The following SCHIP1 variants were observed in gnomAD, a reference collection of about 807,000 sequenced individuals.
SCHIP1 encodes schwannomin interacting protein 1.
In SCHIP1, 8 loss-of-function variants were observed where a neutral mutation model predicts 29.7. The ratio of observed to expected loss-of-function variants is 0.27; its 90% CI spans 0.16 to 0.49. SCHIP1 has a LOEUF of 0.49. Among genes scored for constraint, SCHIP1 ranks in the 20% least tolerant of loss-of-function variants. The probability of loss-of-function intolerance (pLI) is 0.99; values close to 1 mark genes in which losing one functional copy is unlikely to be tolerated. For synonymous variants in SCHIP1, 76 were observed against 94.9 expected, an observed-to-expected ratio of 0.80 and a Z score of 1.16; for missense variants, 193 against 294.6, an observed-to-expected ratio of 0.66 and a Z score of 2.52.
chr3:159,860,270 A>G (rs905739005), intron 1 of SCHIP1, among the ~76,000 whole-genome samples: 3 of 152,226 alleles, frequency 2.0e-5, no homozygotes, highest in Admixed American at 6.5e-5. Context: ...GCCTATAGGT[A>G]ACACCAGTGT....
chr3:159,808,952 C>T, the SCHIP1 span, among the ~76,000 whole-genome samples: 4 of 146,840 alleles, frequency 2.7e-5, no homozygotes, highest in Admixed American at 1.3e-4. Context: ...AGTGAAACTC[C>T]GTCTCAAAAA....
chr3:159,483,818 G>C, the SCHIP1 span, among the ~76,000 whole-genome samples: 1 of 152,080 alleles, frequency 6.6e-6, no homozygotes, highest in Non-Finnish European at 1.5e-5. Flanking sequence ...ATTTTGCAGT[G>C]TTCTGGCACA....
At chr3:159,674,510 G>A in the SCHIP1 span, among the ~76,000 whole-genome samples, 1 of 149,162 alleles carries the variant, frequency 6.7e-6, no homozygotes, top group African/African-American at 2.5e-5. Flanking sequence ...GAAAGATCAA[G>A]GTTAGACATG....
At chr3:159,791,229 G>A in the SCHIP1 span, among the ~76,000 whole-genome samples, 1 of 152,054 alleles carries the variant, frequency 6.6e-6, no homozygotes, top group South Asian at 2.1e-4. Context: ...TCAGCCCAGG[G>A]GCCCATCAGC....
chr3:159,602,445 TC>T, the SCHIP1 span, among the ~76,000 whole-genome samples: 1 of 152,138 alleles, frequency 6.6e-6, no homozygotes. Context: ...GCATGGTGGC[TC>T]ATACTTGTAA....
chr3:159,815,591 G>GTTT, the SCHIP1 span, among the ~76,000 whole-genome samples: 4 of 152,162 alleles, frequency 2.6e-5, no homozygotes, highest in Non-Finnish European at 5.9e-5. Context: ...CTTCATTTTA[G>GTTT]ACCACAGTTA....
the SCHIP1 span, among the ~76,000 whole-genome samples, chr3:159,724,017 T>A: frequency 3.3e-5 from 5 of 152,148 alleles, no homozygotes; most frequent in African/African-American, 4.8e-5. Context: ...CCTGGAAGAG[T>A]TGAACCAGTT....
chr3:159,504,729 A>G, the SCHIP1 span, among the ~76,000 whole-genome samples: 1 of 152,126 alleles, frequency 6.6e-6, no homozygotes, highest in African/African-American at 2.4e-5. Context: ...TATTTTCAAC[A>G]ATTTTTTTTA....
chr3:159,363,183 G>T, the SCHIP1 span, among the ~76,000 whole-genome samples: 1 of 152,116 alleles, frequency 6.6e-6, no homozygotes, highest in South Asian at 2.1e-4. Flanking sequence ...AGACACAATA[G>T]AATTGTTAAT....
At chr3:159,669,192 A>G in the SCHIP1 span, among the ~76,000 whole-genome samples, 4 of 152,222 alleles carry the variant, frequency 2.6e-5, no homozygotes, top group Non-Finnish European at 4.4e-5. Context: ...GTAAAGGTCA[A>G]GAACAATGTA....
At chr3:159,483,960 C>A in the SCHIP1 span, among the ~76,000 whole-genome samples, 1 of 152,014 alleles carries the variant, frequency 6.6e-6, no homozygotes, top group African/African-American at 2.4e-5. Context: ...TTTAAAAAAA[C>A]AATATTTTCA....
At chr3:159,467,321 A>G in the SCHIP1 span, among the ~76,000 whole-genome samples, 69 of 152,262 alleles carry the variant, frequency 4.5e-4, no homozygotes, top group African/African-American at 1.4e-3. Flanking sequence ...AAAAAGTGCT[A>G]TAGTGCTACA....
At chr3:159,414,789 C>A in the SCHIP1 span, among the ~76,000 whole-genome samples, 1 of 152,148 alleles carries the variant, frequency 6.6e-6, no homozygotes, top group African/African-American at 2.4e-5. Flanking sequence ...AACCTCAGAT[C>A]ATCAGGCATT....
At chr3:159,432,286 A>G in the SCHIP1 span, among the ~76,000 whole-genome samples, 12 of 108,156 alleles carry the variant, frequency 1.1e-4, no homozygotes, top group South Asian at 9.5e-4. Context: ...AGAGTAGGTG[A>G]TGTGTGTGTG....
At chr3:159,467,059 T>C in the SCHIP1 span, among the ~76,000 whole-genome samples, 2 of 152,228 alleles carry the variant, frequency 1.3e-5, no homozygotes, top group East Asian at 3.9e-4. Context: ...GTTAATACTT[T>C]GCTGAAGGTC....
At chr3:159,836,993 G>GT (rs936956628), upstream of SCHIP1, among the ~76,000 whole-genome samples, 10 of 151,920 alleles carry the variant, frequency 6.6e-5, no homozygotes, top group Non-Finnish European at 1.2e-4. Flanking sequence ...TCTTGGGAGA[G>GT]TTTTTTTGAC....
chr3:159,583,058 T>G, the SCHIP1 span, among the ~76,000 whole-genome samples: 1 of 152,148 alleles, frequency 6.6e-6, no homozygotes, highest in Non-Finnish European at 1.5e-5. Context: ...GCAACATTTC[T>G]GAAAAAATGA....
the SCHIP1 span, among the ~76,000 whole-genome samples, chr3:159,449,864 A>C: frequency 6.6e-6 from 1 of 152,026 alleles, no homozygotes; most frequent in Non-Finnish European, 1.5e-5. Flanking sequence ...AGTGAGCTTG[A>C]AGCATGAAGG....
chr3:159,296,505 G>A, the SCHIP1 span, among the ~76,000 whole-genome samples: 1 of 152,174 alleles, frequency 6.6e-6, no homozygotes, highest in Non-Finnish European at 1.5e-5. Flanking sequence ...TGGGTGTGGT[G>A]GCTCACACCT....
Sources: gnomAD v4.1 joint callset for allele counts (sites outside exome capture counted in the v4.1 genomes callset) on GRCh38, gnomAD v4.1.1 for gene constraint, MANE v1.5 for transcripts, NCBI Gene and HGNC (gene_info 2026-07-23, HGNC 2026-07-21) for gene names.